RANBP2: variants seen among roughly 807,000 people sequenced by gnomAD.
RANBP2 encodes the protein E3 SUMO-protein ligase RanBP2.
RANBP2 carries 57 observed loss-of-function variants against 303.6 expected under a neutral mutation model. The ratio of observed to expected loss-of-function variants is 0.19; its 90% confidence interval spans 0.15 to 0.23. RANBP2 has a LOEUF of 0.23. RANBP2 is among the 10% of genes least tolerant of loss of function. The pLI is 1.00. For synonymous variants in RANBP2, 1,167 were observed against 1,301.5 expected, an observed-to-expected ratio of 0.90 and a Z score of 2.23; for missense variants, 3,138 against 3,780.8, an observed-to-expected ratio of 0.83 and a Z score of 4.46.
chr2:109,497,634 A>G, the RANBP2 span, among the ~76,000 whole-genome samples: 1 of 152,222 alleles, frequency 6.6e-6, no homozygotes, highest in African/African-American at 2.4e-5. Flanking sequence ...CTCTGTGTCT[A>G]TAACGGGGAG....
the RANBP2 span, among the ~76,000 whole-genome samples, chr2:109,080,505 C>T: frequency 6.6e-6 from 1 of 152,140 alleles, no homozygotes; most frequent in Non-Finnish European, 1.5e-5. Flanking sequence ...TGCAGCTGGT[C>T]TCCAGATGCT....
At chr2:109,282,842 A>G in the RANBP2 span, among the ~76,000 whole-genome samples, 1 of 152,104 alleles carries the variant, frequency 6.6e-6, no homozygotes, top group Non-Finnish European at 1.5e-5. Flanking sequence ...TGGAGGGGTA[A>G]TGGTCCTCCT....
chr2:108,963,934 C>A, the RANBP2 span, among the ~76,000 whole-genome samples: 1 of 152,138 alleles, frequency 6.6e-6, no homozygotes, highest in East Asian at 1.9e-4. Context: ...GGAGCATGGG[C>A]CAATCCTGGA....
the RANBP2 span, among the ~76,000 whole-genome samples, chr2:109,249,797 C>T: frequency 4.0e-5 from 6 of 151,750 alleles, no homozygotes; most frequent in African/African-American, 1.5e-4. Flanking sequence ...GCTGGGACTA[C>T]AGGCGCCCGC....
At chr2:108,815,143 A>G in the RANBP2 span, among the ~76,000 whole-genome samples, 1 of 152,138 alleles carries the variant, frequency 6.6e-6, no homozygotes, top group Non-Finnish European at 1.5e-5. Context: ...AAATGTTCAT[A>G]TGTGTATTGA....
the RANBP2 span, among the ~76,000 whole-genome samples, chr2:109,002,798 A>G: frequency 6.6e-6 from 1 of 152,232 alleles, no homozygotes; most frequent in African/African-American, 2.4e-5. Context: ...CACAGTTTGC[A>G]GAAAGCTGTG....
At chr2:109,263,647 C>T in the RANBP2 span, among the ~76,000 whole-genome samples, 1 of 152,160 alleles carries the variant, frequency 6.6e-6, no homozygotes, top group South Asian at 2.1e-4. Context: ...GACAGTCTGT[C>T]AGTGGAGAGA....
chr2:109,263,139 C>T, the RANBP2 span, among the ~76,000 whole-genome samples: 2 of 152,208 alleles, frequency 1.3e-5, no homozygotes, highest in Non-Finnish European at 2.9e-5. Flanking sequence ...AGCCACCACG[C>T]CCAGCCGCAA....
chr2:109,256,282 G>A, the RANBP2 span, among the ~76,000 whole-genome samples: 2 of 152,338 alleles, frequency 1.3e-5, no homozygotes, highest in South Asian at 4.1e-4. Context: ...CTGGTTGAGC[G>A]TATTACTGGG....
At chr2:109,671,003 G>C in the RANBP2 span, among the ~76,000 whole-genome samples, 12 of 152,218 alleles carry the variant, frequency 7.9e-5, no homozygotes, top group Non-Finnish European at 1.8e-4. Flanking sequence ...GCCAAAAGGA[G>C]AGGCTGGACT....
the RANBP2 span, among the ~76,000 whole-genome samples, chr2:108,875,127 T>TTACATACAAA: frequency 6.6e-6 from 1 of 151,842 alleles, no homozygotes; most frequent in Non-Finnish European, 1.5e-5. Context: ...CCTTTTGTAT[T>TTACATACAAA]AGGATAGTAC....
the RANBP2 span, among the ~76,000 whole-genome samples, chr2:109,186,586 C>G: frequency 1.3e-5 from 2 of 152,222 alleles, no homozygotes; most frequent in Admixed American, 6.5e-5. Flanking sequence ...CAAATAACCT[C>G]CTGCCCCCAG....
chr2:109,297,234 T>C, the RANBP2 span, among the ~76,000 whole-genome samples: 1 of 152,102 alleles, frequency 6.6e-6, no homozygotes, highest in Non-Finnish European at 1.5e-5. Flanking sequence ...CTGTTTTTCA[T>C]TGACACCATC....
the RANBP2 span, among the ~76,000 whole-genome samples, chr2:109,191,868 A>T: frequency 2.4e-4 from 37 of 152,326 alleles, no homozygotes; most frequent in Non-Finnish European, 3.5e-4. Flanking sequence ...CACTGAGACC[A>T]GCATTTTTGA....
chr2:109,005,880 G>A, the RANBP2 span, among the ~76,000 whole-genome samples: 2 of 152,204 alleles, frequency 1.3e-5, no homozygotes, highest in Non-Finnish European at 2.9e-5. Context: ...GCCCAGTTCA[G>A]CCTGGGGAAT....
the RANBP2 span, among the ~76,000 whole-genome samples, chr2:109,350,467 T>C: frequency 6.6e-6 from 1 of 152,224 alleles, no homozygotes; most frequent in South Asian, 2.1e-4. Flanking sequence ...GGACTTGTGC[T>C]GTGACACGAC....
chr2:109,672,383 C>T, the RANBP2 span, among the ~76,000 whole-genome samples: 1 of 152,196 alleles, frequency 6.6e-6, no homozygotes, highest in African/African-American at 2.4e-5. Flanking sequence ...TTTTATTTCT[C>T]TGCCACCATT....
At chr2:109,515,051 A>T in the RANBP2 span, among the ~76,000 whole-genome samples, 1 of 152,174 alleles carries the variant, frequency 6.6e-6, no homozygotes, top group Non-Finnish European at 1.5e-5. Context: ...AAGTCCAGGG[A>T]TGACCTTTGC....
the RANBP2 span, among the ~76,000 whole-genome samples, chr2:108,844,451 T>A: frequency 1.3e-5 from 2 of 152,214 alleles, no homozygotes; most frequent in Non-Finnish European, 1.5e-5. Flanking sequence ...GATGAGATTT[T>A]CTAAAAGCGT....
Sources: gnomAD v4.1 joint callset for allele counts (sites outside exome capture counted in the v4.1 genomes callset) on GRCh38, gnomAD v4.1.1 for gene constraint, MANE v1.5 for transcripts, NCBI Gene and HGNC (gene_info 2026-07-23, HGNC 2026-07-21) for gene names.